Variants in RNF150 observed in about 807,000 individuals in gnomAD.
The protein encoded by RNF150 is ring finger protein 150.
In RNF150, 24 loss-of-function variants were observed where a neutral mutation model predicts 39.3. The observed-to-expected ratio is 0.61, with a 90% CI of 0.44 to 0.86. RNF150 has a LOEUF of 0.86. Ranked by LOEUF, RNF150 falls within the 40% of genes least tolerant of loss-of-function variation. The pLI, the probability that RNF150 is intolerant of heterozygous loss-of-function variation, is 0.00. For synonymous variants in RNF150, 255 were observed against 227.3 expected (o/e 1.12, Z -1.10); for missense variants, 502 against 587.8 (o/e 0.85, Z 1.51).
intron 3 of RNF150, 33 bp downstream of exon 3, chr4:140,949,268 C>A: frequency 1.9e-6 from 3 of 1,555,980 alleles, no homozygotes; most frequent in Non-Finnish European, 2.6e-6. Flanking sequence ...CTTTGAATAG[C>A]TCCTCACCAA....
rs748646894 is a variant in RNF150 at position 141,023,674 on chromosome 4, G to C, written c.485-55801C>G. On this transcript the variant is annotated intron_variant, in intron 1 of 6. Coordinates refer to ENST00000515673, the MANE Select transcript of RNF150 (RefSeq NM_020724.2). The stretch of plus-strand genomic sequence containing the variant: ...TTTTATACTAAGTCTTCAAAATCTA[G>C]CTTGTATTTTATACTTTCAATGCAT... Among the ~76,000 whole-genome samples the C allele has an allele frequency of 4.1e-4, 62 of 152,136 alleles. 2 individuals carry two copies. The highest frequency in any genetic ancestry group is 3.2e-4 in the Non-Finnish European group (22 of 68,002).
intron 6 of RNF150, among the ~76,000 whole-genome samples, chr4:140,868,914 A>G (rs866825967): frequency 1.3e-5 from 2 of 152,056 alleles, no homozygotes; most frequent in African/African-American, 4.8e-5. Flanking sequence ...AATATAAGGT[A>G]AAAATAAGAT....
At chr4:141,190,700 T>C (rs1214597781) in intron 1 of RNF150, among the ~76,000 whole-genome samples, 1 of 152,194 alleles carries the variant, frequency 6.6e-6, no homozygotes, top group Non-Finnish European at 1.5e-5. Flanking sequence ...AACCACAACT[T>C]AGAAAACTAA....
chr4:140,913,243 G>A lies in RNF150; in HGVS notation c.988-1889C>T, dbSNP rs553992907. Among the ~76,000 whole-genome samples the A allele has an allele frequency of 1.4e-4, 21 of 152,238 alleles. No homozygotes were observed. The South Asian group carries it at 3.1e-3, about 23-fold the overall frequency. ...CCCACTGCACTCCAGCCTGGCGACA[G>A]AGCAAGACTCTGTCTCAAGAAAACA... On this transcript the variant is annotated intron_variant, in intron 5 of 6. Coordinates refer to ENST00000515673, the MANE Select transcript of RNF150 (RefSeq NM_020724.2).
intron 1 of RNF150, among the ~76,000 whole-genome samples, chr4:141,011,899 A>G (rs1297283871): frequency 6.6e-6 from 1 of 152,256 alleles, no homozygotes; most frequent in Non-Finnish European, 1.5e-5. Context: ...ATCTCCTTAG[A>G]GTGAAAAGTA....
chr4:141,131,989 G>C (rs1726901793), intron 1 of RNF150, among the ~76,000 whole-genome samples: 1 of 151,980 alleles, frequency 6.6e-6, no homozygotes. Context: ...ACAGGTGCTG[G>C]GCCGGTCACT....
intron 2 of RNF150, among the ~76,000 whole-genome samples, chr4:140,958,066 A>G (rs1305217149): frequency 6.6e-6 from 1 of 152,188 alleles, no homozygotes; most frequent in African/African-American, 2.4e-5. Flanking sequence ...TAACAAAAAT[A>G]ATATAAATAA....
chr4:140,912,548 G>A (rs149738470), intron 5 of RNF150, among the ~76,000 whole-genome samples: 7 of 152,240 alleles, frequency 4.6e-5, no homozygotes, highest in East Asian at 1.9e-4. Context: ...TACAACTCAC[G>A]GACTCCTAGG....
At chr4:141,037,197 C>T (rs925227645) in intron 1 of RNF150, among the ~76,000 whole-genome samples, 24 of 152,182 alleles carry the variant, frequency 1.6e-4, no homozygotes, top group African/African-American at 4.1e-4. Flanking sequence ...CTAAGGTTCT[C>T]GGTATTTCCC....
intron 4 of RNF150, among the ~76,000 whole-genome samples, chr4:140,931,043 G>A (rs990286011): frequency 6.6e-6 from 1 of 151,956 alleles, no homozygotes; most frequent in African/African-American, 2.4e-5. Context: ...TGGGCTTCAT[G>A]AGTGAATGAG....
chr4:141,105,038 A>G (rs1038853784), intron 1 of RNF150, among the ~76,000 whole-genome samples: 2 of 152,118 alleles, frequency 1.3e-5, no homozygotes, highest in African/African-American at 2.4e-5. Context: ...CATAATCTCA[A>G]TCGTGTATAC....
At chr4:141,043,700 G>A (rs1223946573) in intron 1 of RNF150, among the ~76,000 whole-genome samples, 1 of 152,110 alleles carries the variant, frequency 6.6e-6, no homozygotes, top group East Asian at 1.9e-4. Flanking sequence ...TAGGTCAATT[G>A]GGTGGGATGA....
rs75122687 is a variant in RNF150 at position 140,901,147 on chromosome 4, G to A, written c.1198+9997C>T. Among the ~76,000 whole-genome samples the A allele has an allele frequency of 4.7e-3, 714 of 152,290 alleles. 4 individuals are homozygous for A. Among genetic ancestry groups the A allele is most frequent in the African/African-American group, 0.016 (685 of 41,552 alleles). Reference sequence around the variant, plus strand: ...AGTCTTCAGTGGTTTCTGGGCATTTGGTTTTATGATATTAGCAGGGCATTT... The same window carrying A: ...AGTCTTCAGTGGTTTCTGGGCATTTAGTTTTATGATATTAGCAGGGCATTT... On this transcript the variant is annotated intron_variant, in intron 6 of 6. Transcript: ENST00000515673.
At chr4:140,953,692 A>T (rs910179063) in intron 2 of RNF150, among the ~76,000 whole-genome samples, 4 of 152,196 alleles carry the variant, frequency 2.6e-5, no homozygotes, top group Non-Finnish European at 5.9e-5. Context: ...CCCATTAAAA[A>T]AATTACACAA....
At chr4:141,002,618 C>T (rs1314493436) in intron 1 of RNF150, among the ~76,000 whole-genome samples, 1 of 152,086 alleles carries the variant, frequency 6.6e-6, no homozygotes, top group African/African-American at 2.4e-5. Context: ...ATACCACTGA[C>T]AAATTGCTAA....
Position 140,868,159 on chromosome 4 carries a change from A to G in RNF150, c.*102T>C. 1.4e-6 allele frequency: 1 copy of G among 719,384 alleles called. No homozygotes were observed. The highest frequency in any genetic ancestry group is 2.5e-6 in the Non-Finnish European group (1 of 400,828). 44.6% of individuals were successfully genotyped at this position (719,384 alleles called of 1,614,324 possible). A position where few individuals can be genotyped will look rare whatever the true frequency, so the allele number is the denominator to read the frequency against. On this transcript the variant is annotated 3_prime_UTR_variant, in exon 7 of 7. Coordinates refer to ENST00000515673, the MANE Select transcript of RNF150 (RefSeq NM_020724.2). ...TTGAACGGAGCGCCCTGGAGTTGCC[A>G]AGGTGATCTGGAGGTGTGTGTGTGC... is the stretch of plus-strand genomic sequence containing the variant.
At chr4:140,938,957 T>C (rs575556216) in intron 4 of RNF150, among the ~76,000 whole-genome samples, 118 of 152,316 alleles carry the variant, frequency 7.7e-4, no homozygotes, top group African/African-American at 2.7e-3. Context: ...GATTTGTGAA[T>C]GTTGTGTCAA....
At chr4:141,094,210 G>A (rs1029919705) in intron 1 of RNF150, among the ~76,000 whole-genome samples, 1 of 151,900 alleles carries the variant, frequency 6.6e-6, no homozygotes, top group Non-Finnish European at 1.5e-5. Flanking sequence ...ATATCCTCAG[G>A]TAATAACTTA....
chr4:141,130,932 A>G (rs1246602862), intron 1 of RNF150, among the ~76,000 whole-genome samples: 1 of 152,202 alleles, frequency 6.6e-6, no homozygotes, highest in Admixed American at 6.5e-5. Flanking sequence ...AAAGTGCTGT[A>G]TTGTAACTTT....
Sources: gnomAD v4.1 joint callset for allele counts (sites outside exome capture counted in the v4.1 genomes callset) on GRCh38, gnomAD v4.1.1 for gene constraint, MANE v1.5 for transcripts, NCBI Gene and HGNC (gene_info 2026-07-23, HGNC 2026-07-21) for gene names.